Variants in AXL observed in about 807,000 individuals in gnomAD.
AXL encodes AXL receptor tyrosine kinase.
Under a neutral mutation model 104.5 loss-of-function variants are expected in AXL, and 52 were observed. The ratio of observed to expected loss-of-function variants is 0.50; its 90% confidence interval spans 0.40 to 0.63. AXL has a LOEUF of 0.63. Among genes scored for constraint, AXL ranks in the 20% least tolerant of loss-of-function variants. AXL has a pLI of 0.00. For missense variants in AXL, 1,024 were observed against 1,188.5 expected (o/e 0.86, Z 2.04); for synonymous variants, 455 against 473.7 (o/e 0.96, Z 0.51).
rs113821295 is a variant in AXL, at chr19:41,239,376, C to G, written c.1285+62C>G. On this transcript the variant is annotated intron_variant, in intron 9 of 19. Coordinates refer to ENST00000301178, the MANE Select transcript of AXL (RefSeq NM_021913.5). ...GTCTCTCCCTGACAGCCCTGACTTA[C>G]TCCTTGTACCTTTCAGTGTTACCGC... The G allele has an allele frequency of 5.1e-3, 7,707 of 1,524,868 alleles. 353 individuals are homozygous for G. The African/African-American group carries it at 0.093, about 18-fold the overall frequency. 94.5% of individuals were successfully genotyped at this position (1,524,868 alleles called of 1,614,324 possible).
At chr19:41,230,567 CCTGTGCCTGT>C (rs1206092958) in intron 4 of AXL, among the ~76,000 whole-genome samples, 1 of 138,892 alleles carries the variant, frequency 7.2e-6, no homozygotes, top group Non-Finnish European at 1.6e-5. Context: ...AGTGTGTGTG[CCTGTGCCTGT>C]GTGTGGCTGT....
At chr19:41,255,941 C>T (rs916125842) in intron 17 of AXL, among the ~76,000 whole-genome samples, 1 of 151,914 alleles carries the variant, frequency 6.6e-6, no homozygotes, top group African/African-American at 2.4e-5. Context: ...GACAGAGTTT[C>T]ACCACATTGG....
intron 4 of AXL, among the ~76,000 whole-genome samples, chr19:41,226,379 G>A (rs1369942503): frequency 6.6e-6 from 1 of 152,212 alleles, no homozygotes; most frequent in Non-Finnish European, 1.5e-5. Flanking sequence ...GCCCGGGACT[G>A]TACTGTTTCT....
intron 10 of AXL, among the ~76,000 whole-genome samples, chr19:41,241,282 C>T (rs1312544667): frequency 6.6e-6 from 1 of 152,158 alleles, no homozygotes; most frequent in Non-Finnish European, 1.5e-5. Context: ...TGGCTCACGC[C>T]TGTAATCCCA....
chr19:41,242,210 G>T (rs182025044), intron 10 of AXL, among the ~76,000 whole-genome samples: 1 of 150,976 alleles, frequency 6.6e-6, no homozygotes, highest in East Asian at 1.9e-4. Context: ...ATAATATTTG[G>T]TAGCTTAAAG....
chr19:41,245,750 A>T (rs888984729), intron 12 of AXL, among the ~76,000 whole-genome samples: 4 of 150,902 alleles, frequency 2.7e-5, no homozygotes, highest in African/African-American at 9.7e-5. Flanking sequence ...TCATCTTTCC[A>T]GTTAGGGAAA....
intron 3 of AXL, 178 bp from the exon 4 acceptor site, chr19:41,221,702 A>C (rs1013583610): frequency 1.6e-6 from 1 of 617,586 alleles, no homozygotes; most frequent in African/African-American, 1.9e-5. Flanking sequence ...GGGAGGAATC[A>C]GATATTGGGG....
rs1218355858 is a variant in AXL at position 41,253,663 on chromosome 19, G to C, written c.1991G>C (p.Ser664Thr). Residue 664 changes from serine (S) to threonine (T), a missense_variant, in exon 17 of 20, where the codon AGT (serine) becomes ACT (threonine). By Grantham distance (58) the Ser-to-Thr change is moderately conservative. Coordinates refer to ENST00000301178, the MANE Select transcript of AXL (RefSeq NM_021913.5). ...ADIASGMEYL[S>T]TKRFIHRDLA... is the part of the protein sequence containing the mutation. ...ATCGCCAGTGGCATGGAGTATCTGA[G>C]TACCAAGAGATTCATACACCGGGAC... 2.5e-6 allele frequency: 4 copies of C among 1,613,570 alleles called. No individual in the cohort carries two copies. The highest frequency in any genetic ancestry group is 3.4e-6 in the Non-Finnish European group (4 of 1,179,838).
chr19:41,234,151 C>T (rs572289220), intron 6 of AXL, among the ~76,000 whole-genome samples: 1 of 152,238 alleles, frequency 6.6e-6, no homozygotes, highest in Admixed American at 6.5e-5. Context: ...TGTCATCTCC[C>T]TCCATGGGGG....
chr19:41,223,735 G>A (rs897316483), intron 4 of AXL, among the ~76,000 whole-genome samples: 3 of 152,096 alleles, frequency 2.0e-5, no homozygotes, highest in African/African-American at 7.2e-5. Context: ...GGCTGAGTAG[G>A]GACCAGGGTT....
rs771258043 is a variant in AXL at position 41,238,068 on chromosome 19, C to G, written c.908C>G (p.Thr303Ser). The change falls in exon 7 of 20, where the codon ACC becomes AGC. Residue 303 changes from threonine (T) to serine (S), a missense_variant. Thr to Ser is a moderately conservative substitution (Grantham distance 58, BLOSUM62 1). Transcript: ENST00000301178. ...CGGCTAGGCAGCCTCCATCCTCACA[C>G]CCCTTATCACATCCGCGTGGCATGC... ...QLRLGSLHPH[T>S]PYHIRVACTS... The G allele has an allele frequency of 6.2e-7, 1 of 1,614,052 alleles. No individual in the cohort carries two copies. The highest frequency in any genetic ancestry group is 1.1e-5 in the South Asian group (1 of 91,070).
At chr19:41,237,228 G>A (rs546020090) in intron 6 of AXL, among the ~76,000 whole-genome samples, 8 of 152,168 alleles carry the variant, frequency 5.3e-5, no homozygotes, top group Admixed American at 2.0e-4. Context: ...TCACAGTATC[G>A]TGCTATTATT....
chr19:41,234,300 G>C (rs183188481), intron 6 of AXL, among the ~76,000 whole-genome samples: 63 of 152,278 alleles, frequency 4.1e-4, no homozygotes, highest in Admixed American at 1.6e-3. Context: ...GCTTGACAGA[G>C]AGCTTGGTAC....
intron 12 of AXL, among the ~76,000 whole-genome samples, chr19:41,244,074 T>G (rs1329382402): frequency 2.0e-5 from 3 of 151,220 alleles, no homozygotes; most frequent in Non-Finnish European, 4.4e-5. Flanking sequence ...TATGGTGGTG[T>G]GCCCCTGTAC....
At chr19:41,251,501 G>C (rs1441678611) in intron 14 of AXL, among the ~76,000 whole-genome samples, 3 of 151,634 alleles carry the variant, frequency 2.0e-5, no homozygotes, top group Non-Finnish European at 4.4e-5. Flanking sequence ...GGCAGAGGTT[G>C]CAGTGAGCCA....
In AXL at chr19:41,238,540, G is replaced by A. The variant is rs2034124030; in HGVS notation, c.1065G>A (p.Glu355=). ...NGSQAFVHWQ[E]PRAPLQGTLL... ...GCCAGGCCTTCGTGCATTGGCAAGA[G>A]CCCCGGGCGCCCCTGCAGGGTACCC... The change falls in exon 8 of 20, where the codon GAG becomes GAA. Residue 355 remains glutamate, a synonymous_variant. Coordinates refer to ENST00000301178, the MANE Select transcript of AXL (RefSeq NM_021913.5). The A allele has an allele frequency of 4.3e-6, 7 of 1,613,946 alleles. No individual in the cohort carries two copies. The highest frequency in any genetic ancestry group is 5.9e-6 in the Non-Finnish European group (7 of 1,179,976).
chr19:41,227,681 G>T (rs1484002931), intron 4 of AXL, among the ~76,000 whole-genome samples: 3 of 151,890 alleles, frequency 2.0e-5, no homozygotes, highest in African/African-American at 7.3e-5. Context: ...AGAGACGGGG[G>T]TTTCACTGTG....
chr19:41,256,313 A>T, intron 17 of AXL, 139 bp from the exon 18 acceptor site: 1 of 992,098 alleles, frequency 1.0e-6, no homozygotes, highest in Non-Finnish European at 1.5e-6. Flanking sequence ...CTGGACTGGG[A>T]TGAAGGTTTA....
chr19:41,232,033 C>A (rs1035306798), intron 6 of AXL, among the ~76,000 whole-genome samples: 1 of 152,140 alleles, frequency 6.6e-6, no homozygotes, highest in African/African-American at 2.4e-5. Flanking sequence ...AGAGTGGGAG[C>A]CCTGAGACAG....
Sources: gnomAD v4.1 joint callset for allele counts (sites outside exome capture counted in the v4.1 genomes callset) on GRCh38, gnomAD v4.1.1 for gene constraint, MANE v1.5 for transcripts, NCBI Gene and HGNC (gene_info 2026-07-23, HGNC 2026-07-21) for gene names.